MGMT: variants seen among roughly 807,000 people sequenced by gnomAD.
MGMT encodes methylated-DNA--protein-cysteine methyltransferase.
MGMT carries 14 observed loss-of-function variants against 15.9 expected under a neutral mutation model. The ratio of observed to expected loss-of-function variants is 0.88; its 90% CI spans 0.58 to 1.37. The LOEUF (loss-of-function observed/expected upper bound fraction) is 1.37, where lower values mean the gene tolerates loss of function less well. Ranked by LOEUF, MGMT falls within the 40% of genes most tolerant of loss-of-function variation. The pLI, the probability that MGMT is intolerant of heterozygous loss-of-function variation, is 0.00. For missense variants in MGMT, 282 were observed against 268.1 expected (o/e 1.05, Z -0.36); for synonymous variants, 130 against 118.2 (o/e 1.10, Z -0.65).
At chr10:129,476,668 G>T (rs917264616) in intron 1 of MGMT, among the ~76,000 whole-genome samples, 1 of 152,172 alleles carries the variant, frequency 6.6e-6, no homozygotes, top group Non-Finnish European at 1.5e-5. Context: ...GGAGTGGCTG[G>T]GTGGGGAGGT....
chr10:129,737,417 G>A (rs1848576407), intron 3 of MGMT, among the ~76,000 whole-genome samples: 2 of 151,922 alleles, frequency 1.3e-5, no homozygotes, highest in Non-Finnish European at 2.9e-5. Flanking sequence ...GCTCCTTTAA[G>A]CACTTCTCTG....
intron 2 of MGMT, among the ~76,000 whole-genome samples, chr10:129,627,891 A>G (rs1314083129): frequency 6.6e-6 from 1 of 152,148 alleles, no homozygotes; most frequent in Non-Finnish European, 1.5e-5. Flanking sequence ...AGTAAATTAT[A>G]TTCCTGCTTT....
chr10:129,628,766 G>A (rs186469828), intron 2 of MGMT, among the ~76,000 whole-genome samples: 59 of 152,278 alleles, frequency 3.9e-4, no homozygotes, highest in African/African-American at 1.3e-3. Context: ...TGGCCCTCAC[G>A]GGGCTGTTAA....
intron 2 of MGMT, among the ~76,000 whole-genome samples, chr10:129,674,219 G>A (rs1847758708): frequency 6.6e-6 from 1 of 152,008 alleles, no homozygotes; most frequent in South Asian, 2.1e-4. Context: ...TTCTAATTCT[G>A]AGGTTACCAA....
chr10:129,766,793 C>T lies in MGMT; in HGVS notation c.420C>T (p.Pro140=). The T allele has an allele frequency of 6.2e-7, 1 of 1,612,414 alleles. No homozygotes were observed. The highest frequency in any genetic ancestry group is 1.1e-5 in the South Asian group (1 of 90,924). Residue 140 remains proline (P), a synonymous_variant, in exon 5 of 5, where the codon CCC becomes CCT. Coordinates refer to ENST00000651593, the MANE Select transcript of MGMT (RefSeq NM_002412.5). The part of the protein sequence containing the change: ...VGGAMRGNPV[P]ILIPCHRVVC... Reference sequence around the variant, plus strand: ...GCTGCCCCCCTGTCTTCCAGGTCCCCATCCTCATCCCGTGCCACAGAGTGG... The same window carrying T: ...GCTGCCCCCCTGTCTTCCAGGTCCCTATCCTCATCCCGTGCCACAGAGTGG...
At chr10:129,506,802 C>A (rs1203972499) in intron 1 of MGMT, among the ~76,000 whole-genome samples, 4 of 152,174 alleles carry the variant, frequency 2.6e-5, no homozygotes, top group African/African-American at 4.8e-5. Context: ...TAATCTACCC[C>A]CTTTAAACTC....
chr10:129,506,515 A>T (rs2119687125), intron 1 of MGMT, among the ~76,000 whole-genome samples: 1 of 152,016 alleles, frequency 6.6e-6, no homozygotes, highest in South Asian at 2.1e-4. Context: ...CAGTCATCTC[A>T]CTGGCTCCAG....
At chr10:129,496,376 G>T (rs777997487) in intron 1 of MGMT, among the ~76,000 whole-genome samples, 103 of 152,250 alleles carry the variant, frequency 6.8e-4, no homozygotes, top group Non-Finnish European at 9.7e-4. Flanking sequence ...AAAGTTTAAT[G>T]AATGGCTAGC....
At chr10:129,535,938 G>A (rs966495368) in intron 1 of MGMT, among the ~76,000 whole-genome samples, 2 of 152,228 alleles carry the variant, frequency 1.3e-5, no homozygotes, top group African/African-American at 2.4e-5. Context: ...TTTAAAAGGA[G>A]CTCTTACCAG....
chr10:129,711,145 T>C (rs1006900941), intron 3 of MGMT, among the ~76,000 whole-genome samples: 16 of 152,202 alleles, frequency 1.1e-4, no homozygotes, highest in African/African-American at 3.9e-4. Flanking sequence ...CCCTCTCTCC[T>C]GCACACGGCC....
chr10:129,687,771 A>C (rs1036886857), intron 2 of MGMT, among the ~76,000 whole-genome samples: 6 of 151,070 alleles, frequency 4.0e-5, no homozygotes, highest in African/African-American at 1.5e-4. Flanking sequence ...GTATGTATAC[A>C]TGTGCCATGT....
chr10:129,663,558 A>G (rs922725590), intron 2 of MGMT, among the ~76,000 whole-genome samples: 2 of 152,224 alleles, frequency 1.3e-5, no homozygotes, highest in African/African-American at 2.4e-5. Context: ...TCCTTTGAAA[A>G]AAATTTAAAC....
At chr10:129,731,505 G>C (rs1456336237) in intron 3 of MGMT, among the ~76,000 whole-genome samples, 1 of 151,764 alleles carries the variant, frequency 6.6e-6, no homozygotes, top group Non-Finnish European at 1.5e-5. Context: ...GCATATGCCG[G>C]CTGCCTCCTC....
chr10:129,469,729 C>T (rs1205750044), intron 1 of MGMT, among the ~76,000 whole-genome samples: 2 of 152,162 alleles, frequency 1.3e-5, no homozygotes, highest in African/African-American at 4.8e-5. Context: ...TTTTTAGAGA[C>T]AAGGTCTTGG....
intron 2 of MGMT, among the ~76,000 whole-genome samples, chr10:129,676,789 T>G (rs1847791233): frequency 6.6e-6 from 1 of 152,148 alleles, no homozygotes; most frequent in African/African-American, 2.4e-5. Flanking sequence ...TACATTTAGA[T>G]TTTAGAAGTA....
intron 2 of MGMT, among the ~76,000 whole-genome samples, chr10:129,617,826 G>C (rs1831803832): frequency 6.6e-6 from 1 of 152,102 alleles, no homozygotes; most frequent in African/African-American, 2.4e-5. Context: ...TATGGTTTCT[G>C]GGTATTAGAC....
At chr10:129,630,138 G>A (rs573350538) in intron 2 of MGMT, among the ~76,000 whole-genome samples, 88 of 152,304 alleles carry the variant, frequency 5.8e-4, no homozygotes, top group East Asian at 1.5e-3. Flanking sequence ...GTCCACCTGC[G>A]TGCTCCGGGC....
intron 2 of MGMT, among the ~76,000 whole-genome samples, chr10:129,635,694 C>CT (rs1232996557): frequency 2.0e-5 from 3 of 152,210 alleles, no homozygotes; most frequent in African/African-American, 7.2e-5. Context: ...TTCCCCTAAA[C>CT]TTTCTGATCA....
At chr10:129,479,190 T>C (rs1845328572) in intron 1 of MGMT, among the ~76,000 whole-genome samples, 2 of 152,170 alleles carry the variant, frequency 1.3e-5, no homozygotes, top group African/African-American at 4.8e-5. Context: ...ATATGGCAAA[T>C]AGTGTTAACA....
Sources: allele counts gnomAD v4.1 joint callset (sites outside exome capture counted in the v4.1 genomes callset), GRCh38; gene constraint gnomAD v4.1.1; transcripts MANE v1.5; gene names NCBI Gene and HGNC (gene_info 2026-07-23, HGNC 2026-07-21).